Variants in NRF1 observed in about 807,000 individuals in gnomAD.
The protein encoded by NRF1 is alpha palindromic-binding protein.
In NRF1, 5 loss-of-function variants were observed where a neutral mutation model predicts 58.5. The observed-to-expected ratio is 0.09, with a 90% CI of 0.04 to 0.18. NRF1 has a LOEUF of 0.18. Ranked by LOEUF, NRF1 falls within the 10% of genes least tolerant of loss-of-function variation. The pLI, the probability that NRF1 is intolerant of heterozygous loss-of-function variation, is 1.00. For missense variants in NRF1, 288 were observed against 657.7 expected (o/e 0.44, Z 6.15); for synonymous variants, 224 against 246.7 (o/e 0.91, Z 0.86).
chr7:129,739,972 ACACT>A (rs1803809548), intron 10 of NRF1, among the ~76,000 whole-genome samples: 1 of 152,284 alleles, frequency 6.6e-6, no homozygotes, highest in South Asian at 2.1e-4. Context: ...TTGATTCTAG[ACACT>A]CAAAGAGGGG....
chr7:129,723,138 C>T (rs1165749989), intron 9 of NRF1, among the ~76,000 whole-genome samples: 1 of 151,666 alleles, frequency 6.6e-6, no homozygotes, highest in Non-Finnish European at 1.5e-5. Context: ...TTTTCTCCGA[C>T]ATAGGTAATT....
chr7:129,625,173 A>G (rs931366386), intron 1 of NRF1, among the ~76,000 whole-genome samples: 4 of 152,122 alleles, frequency 2.6e-5, no homozygotes, highest in African/African-American at 7.2e-5. Context: ...TTCTGCCTCC[A>G]TGGTCTCATT....
chr7:129,617,919 G>C (rs1800689781), intron 1 of NRF1, among the ~76,000 whole-genome samples: 2 of 152,190 alleles, frequency 1.3e-5, no homozygotes, highest in Admixed American at 1.3e-4. Flanking sequence ...GAGAATAGTG[G>C]AAAGTGAAAC....
intron 9 of NRF1, among the ~76,000 whole-genome samples, chr7:129,718,237 T>A (rs546437932): frequency 6.6e-6 from 1 of 152,170 alleles, no homozygotes; most frequent in Non-Finnish European, 1.5e-5. Flanking sequence ...AAATTAATGG[T>A]CAAGAGTGTG....
intron 9 of NRF1, among the ~76,000 whole-genome samples, chr7:129,723,013 C>T (rs1207093752): frequency 3.3e-5 from 5 of 152,170 alleles, no homozygotes; most frequent in Non-Finnish European, 7.3e-5. Context: ...AAAGAGTATA[C>T]TTTTCTGCTT....
intron 4 of NRF1, among the ~76,000 whole-genome samples, chr7:129,689,955 A>G (rs576272522): frequency 1.3e-5 from 2 of 152,316 alleles, no homozygotes; most frequent in Admixed American, 6.5e-5. Flanking sequence ...ATGTAGCAGC[A>G]GTTTTGAATG....
chr7:129,628,955 A>G (rs565622604), intron 1 of NRF1, among the ~76,000 whole-genome samples: 2 of 152,352 alleles, frequency 1.3e-5, no homozygotes, highest in South Asian at 4.1e-4. Context: ...CACAAAAATC[A>G]CATTCTTTAA....
At chr7:129,725,332 C>A (rs1803425378) in intron 9 of NRF1, among the ~76,000 whole-genome samples, 1 of 143,976 alleles carries the variant, frequency 6.9e-6, no homozygotes, top group South Asian at 2.2e-4. Flanking sequence ...TAATTATTAT[C>A]TTTTTTTTTT....
At chr7:129,654,024 G>A (rs977886061) in intron 1 of NRF1, among the ~76,000 whole-genome samples, 5 of 152,198 alleles carry the variant, frequency 3.3e-5, no homozygotes, top group Non-Finnish European at 7.3e-5. Context: ...GTAAGAGTAT[G>A]TTTAATTTTA....
At chr7:129,716,206 G>C (rs1404351159) in intron 8 of NRF1, among the ~76,000 whole-genome samples, 2 of 152,174 alleles carry the variant, frequency 1.3e-5, no homozygotes, top group African/African-American at 4.8e-5. Context: ...GTGAATGTGT[G>C]TGTGTGTCTG....
At chr7:129,688,706 A>G (rs1802497913) in intron 4 of NRF1, among the ~76,000 whole-genome samples, 1 of 151,954 alleles carries the variant, frequency 6.6e-6, no homozygotes, top group Non-Finnish European at 1.5e-5. Flanking sequence ...GAGAGAGACA[A>G]AGAGAGACAG....
chr7:129,751,317 G>A (rs1423304933), intron 10 of NRF1, among the ~76,000 whole-genome samples: 2 of 152,220 alleles, frequency 1.3e-5, no homozygotes. Context: ...TTTATATCCC[G>A]TGGGCCACTA....
At chr7:129,695,358 C>T (rs1802663549) in intron 5 of NRF1, among the ~76,000 whole-genome samples, 1 of 151,960 alleles carries the variant, frequency 6.6e-6, no homozygotes, top group Non-Finnish European at 1.5e-5. Context: ...GGGTGGATCA[C>T]CTGAGGTCAG....
intron 9 of NRF1, among the ~76,000 whole-genome samples, chr7:129,725,357 C>T (rs1420416419): frequency 2.0e-5 from 3 of 148,518 alleles, no homozygotes; most frequent in African/African-American, 7.5e-5. Flanking sequence ...GAGACAGTTT[C>T]ACTCTTATTG....
chr7:129,635,504 C>G (rs1801149508), intron 1 of NRF1, among the ~76,000 whole-genome samples: 1 of 151,928 alleles, frequency 6.6e-6, no homozygotes. Context: ...TTGTACATAC[C>G]CCCAGCTGCA....
intron 4 of NRF1, 27 bp from the exon 5 acceptor site, chr7:129,690,379 T>C (rs1384297055): frequency 1.2e-6 from 2 of 1,603,166 alleles, no homozygotes; most frequent in Admixed American, 3.4e-5. Context: ...GGGCATCTTG[T>C]TTACTTCTGC....
intron 2 of NRF1, among the ~76,000 whole-genome samples, chr7:129,662,349 C>G (rs959860914): frequency 2.0e-5 from 3 of 149,350 alleles, no homozygotes; most frequent in African/African-American, 4.9e-5. Context: ...AACTACTAAC[C>G]AAGTGTTTTT....
chr7:129,740,802 TC>T (rs1320081185), intron 10 of NRF1, among the ~76,000 whole-genome samples: 3 of 152,152 alleles, frequency 2.0e-5, no homozygotes, highest in African/African-American at 7.2e-5. Flanking sequence ...CCTCGGGCAT[TC>T]ATCGTTTATA....
At chr7:129,642,193 A>C (rs1162810093) in intron 1 of NRF1, among the ~76,000 whole-genome samples, 1 of 150,436 alleles carries the variant, frequency 6.6e-6, no homozygotes, top group Non-Finnish European at 1.5e-5. Context: ...CCAGTTGGCC[A>C]GGCTGGTCTT....
Sources: allele counts gnomAD v4.1 joint callset (sites outside exome capture counted in the v4.1 genomes callset), GRCh38; gene constraint gnomAD v4.1.1; transcripts MANE v1.5; gene names NCBI Gene and HGNC (gene_info 2026-07-23, HGNC 2026-07-21).